The following PTPRQ variants were observed in gnomAD, a reference collection of about 807,000 sequenced individuals.
PTPRQ encodes the protein protein tyrosine phosphatase receptor type Q, also known as phosphatidylinositol phosphatase PTPRQ.
Under a neutral mutation model 246.0 loss-of-function variants are expected in PTPRQ, and 199 were observed. The observed-to-expected ratio is 0.81, with a 90% confidence interval of 0.72 to 0.91. The LOEUF is 0.91. Ranked by LOEUF, PTPRQ falls within the 40% of genes least tolerant of loss-of-function variation. The pLI is 0.00. For missense variants in PTPRQ, 2,624 were observed against 2,528.4 expected, an observed-to-expected ratio of 1.04 and a Z score of -0.81; for synonymous variants, 869 against 853.2, an observed-to-expected ratio of 1.02 and a Z score of -0.32.
intron 34 of PTPRQ, among the ~76,000 whole-genome samples, chr12:80,634,458 A>T (rs1258080091): frequency 1.3e-5 from 2 of 152,196 alleles, no homozygotes; most frequent in East Asian, 1.9e-4. Flanking sequence ...TAAAAATTCA[A>T]TAAGATAATT....
chr12:80,588,588 C>G (rs137981086), intron 26 of PTPRQ, 136 bp downstream of exon 26: 43 of 1,002,118 alleles, frequency 4.3e-5, no homozygotes, highest in Non-Finnish European at 5.2e-5. Flanking sequence ...CCATATATAA[C>G]GACATATTTA....
At chr12:80,559,130 C>A (rs556295932) in intron 25 of PTPRQ, among the ~76,000 whole-genome samples, 1 of 152,108 alleles carries the variant, frequency 6.6e-6, no homozygotes, top group Non-Finnish European at 1.5e-5. Flanking sequence ...CCGGAACCTC[C>A]GCCTCCCGGG....
intron 20 of PTPRQ, 118 bp downstream of exon 20, chr12:80,540,062 AG>A (rs1377077423): frequency 1.1e-6 from 1 of 886,852 alleles, no homozygotes. Flanking sequence ...CGTTCATTAT[AG>A]GAGTTTGAAA....
At chr12:80,553,078 A>G (rs1045258435) in intron 25 of PTPRQ, among the ~76,000 whole-genome samples, 1 of 152,156 alleles carries the variant, frequency 6.6e-6, no homozygotes, top group Non-Finnish European at 1.5e-5. Context: ...TAGGCATTCA[A>G]ATGGTTGTAG....
At position 80,539,759 on chromosome 12, in the gene PTPRQ, A is replaced by G; in HGVS notation, c.2986-17A>G. 6.6e-7 allele frequency: 1 copy of G among 1,516,732 alleles called. No individual in the cohort carries two copies. Among genetic ancestry groups the G allele is most frequent in the Non-Finnish European group, 8.8e-7 (1 of 1,133,892 alleles). The allele number at this position is 1,516,732 out of a possible 1,614,324, so 94.0% of individuals were successfully genotyped here. On this transcript the variant is annotated splice_polypyrimidine_tract_variant and intron_variant, in intron 19 of 44. Coordinates refer to ENST00000644991, the MANE Select transcript of PTPRQ (RefSeq NM_001145026.2). Reference sequence around the variant, plus strand: ...TAAAAAAATACATTCTGAACAATGAATGTGTTTATTTTTCAGAATTTTACA... The same window carrying G: ...TAAAAAAATACATTCTGAACAATGAGTGTGTTTATTTTTCAGAATTTTACA...
chr12:80,444,484 G>C (rs1565707056), intron 1 of PTPRQ, 85 bp downstream of exon 1: 1 of 830,436 alleles, frequency 1.2e-6, no homozygotes, highest in Non-Finnish European at 2.0e-6. Context: ...CCTTGTGACA[G>C]TGAACTAGGA....
At chr12:80,486,096 C>T (rs1013901328) in intron 9 of PTPRQ, among the ~76,000 whole-genome samples, 1 of 152,132 alleles carries the variant, frequency 6.6e-6, no homozygotes, top group Non-Finnish European at 1.5e-5. Flanking sequence ...GCTCTCTGAA[C>T]ATCAGTTTCT....
intron 6 of PTPRQ, among the ~76,000 whole-genome samples, chr12:80,467,620 A>G (rs1233393905): frequency 6.6e-6 from 1 of 152,158 alleles, no homozygotes; most frequent in Non-Finnish European, 1.5e-5. Context: ...ATGTCCAACA[A>G]TGATAGACTG....
intron 30 of PTPRQ, 27 bp from the exon 31 acceptor site, chr12:80,619,357 G>A: frequency 6.5e-7 from 1 of 1,542,134 alleles, no homozygotes; most frequent in Admixed American, 2.0e-5. Flanking sequence ...AACATCAATT[G>A]CAGTGATATT....
intron 39 of PTPRQ, among the ~76,000 whole-genome samples, chr12:80,661,349 G>A (rs905610476): frequency 1.3e-5 from 2 of 148,812 alleles, no homozygotes; most frequent in Admixed American, 6.8e-5. Flanking sequence ...TTGTATGTAT[G>A]TATCTAGATA....
intron 17 of PTPRQ, among the ~76,000 whole-genome samples, chr12:80,527,576 G>T (rs1293113869): frequency 6.6e-6 from 1 of 151,536 alleles, no homozygotes; most frequent in South Asian, 2.1e-4. Context: ...ATTTACAAAA[G>T]AGAAAAACAA....
intron 27 of PTPRQ, among the ~76,000 whole-genome samples, chr12:80,608,502 T>A (rs1028723765): frequency 1.4e-5 from 2 of 147,402 alleles, no homozygotes; most frequent in African/African-American, 5.0e-5. Flanking sequence ...TTTTGCGACT[T>A]GATATTTGTT....
Position 80,635,077 on chromosome 12 carries a change from A to C in PTPRQ, c.5915+4A>C, listed in dbSNP as rs1256428394. 6.4e-7 allele frequency: 1 copy of C among 1,550,536 alleles called. No individual in the cohort carries two copies. The highest frequency in any genetic ancestry group is 8.7e-7 in the Non-Finnish European group (1 of 1,146,472). On this transcript the variant is annotated splice_donor_region_variant and intron_variant, in intron 35 of 44. Coordinates refer to ENST00000644991, the MANE Select transcript of PTPRQ (RefSeq NM_001145026.2). ...TGAAGGACGAGAGATTAACGCGGTG[A>C]GCACACTCCTCTGGGTGAACTGTGG...
chr12:80,611,609 A>C (rs1898554383), intron 28 of PTPRQ, among the ~76,000 whole-genome samples: 1 of 150,400 alleles, frequency 6.6e-6, no homozygotes, highest in Admixed American at 6.7e-5. Context: ...CATTTATACC[A>C]TAAAGCATTG....
At chr12:80,556,150 C>A (rs956013901) in intron 25 of PTPRQ, among the ~76,000 whole-genome samples, 4 of 152,096 alleles carry the variant, frequency 2.6e-5, no homozygotes, top group East Asian at 3.9e-4. Context: ...GCCTCAGCCT[C>A]CTGAGTAGCT....
rs752467959 is a variant in PTPRQ at position 80,444,299 on chromosome 12, C to T, written c.-47C>T. On this transcript the variant is annotated 5_prime_UTR_variant, in exon 1 of 45. Transcript: ENST00000644991. Reference sequence around the variant, plus strand: ...AATCATTAATGCAGGCAACATTTCTCTCTAGAGCCATCAATGTGATTCTAC... The same window carrying T: ...AATCATTAATGCAGGCAACATTTCTTTCTAGAGCCATCAATGTGATTCTAC... The T allele has an allele frequency of 1.6e-5, 16 of 978,308 alleles. No homozygotes were observed. In the South Asian group the frequency reaches 2.1e-4, roughly 13 times the overall value. 60.6% of individuals were successfully genotyped at this position (978,308 alleles called of 1,614,324 possible).
At chr12:80,621,973 A>G (rs1899008505) in intron 32 of PTPRQ, 88 bp from the exon 33 acceptor site, 2 of 921,464 alleles carry the variant, frequency 2.2e-6, no homozygotes, top group Non-Finnish European at 3.0e-6. Context: ...TGAATTAAAT[A>G]AATAGTTTTT....
At chr12:80,534,775 T>G in intron 18 of PTPRQ, 117 bp from the exon 19 acceptor site, 1 of 1,302,966 alleles carries the variant, frequency 7.7e-7, no homozygotes, top group Non-Finnish European at 1.0e-6. Flanking sequence ...TAATTCAAGC[T>G]TTTTTGAAAA....
chr12:80,522,990 T>C (rs1357490226), intron 17 of PTPRQ, among the ~76,000 whole-genome samples: 1 of 152,212 alleles, frequency 6.6e-6, no homozygotes, highest in Non-Finnish European at 1.5e-5. Context: ...ATTTTTCTGG[T>C]CGTGGACTTT....
Sources: gnomAD v4.1 joint callset for allele counts (sites outside exome capture counted in the v4.1 genomes callset) on GRCh38, gnomAD v4.1.1 for gene constraint, MANE v1.5 for transcripts, NCBI Gene and HGNC (gene_info 2026-07-23, HGNC 2026-07-21) for gene names.